Variants in CACNA1E observed in about 807,000 individuals in gnomAD.
CACNA1E encodes calcium voltage-gated channel subunit alpha1 E.
Under a neutral mutation model 259.2 loss-of-function variants are expected in CACNA1E, and 40 were observed. The ratio of observed to expected loss-of-function variants is 0.15; its 90% CI spans 0.12 to 0.20. The LOEUF is 0.20. Among genes scored for constraint, CACNA1E ranks in the 10% least tolerant of loss-of-function variants. CACNA1E has a pLI of 1.00. For missense variants in CACNA1E, 1,874 were observed against 3,040.1 expected (o/e 0.62, Z 9.02); for synonymous variants, 1,104 against 1,138.5 (o/e 0.97, Z 0.61).
intron 6 of CACNA1E, among the ~76,000 whole-genome samples, chr1:181,642,588 C>T (rs968627360): frequency 2.0e-5 from 3 of 152,182 alleles, no homozygotes; most frequent in Non-Finnish European, 2.9e-5. Flanking sequence ...CTGGTGCTTG[C>T]CACTCTTTAA....
intron 3 of CACNA1E, among the ~76,000 whole-genome samples, chr1:181,566,009 T>C (rs1649792876): frequency 6.6e-6 from 1 of 152,206 alleles, no homozygotes; most frequent in Non-Finnish European, 1.5e-5. Flanking sequence ...GATTTCCCTC[T>C]CCAGCAATTT....
intron 1 of CACNA1E, among the ~76,000 whole-genome samples, chr1:181,344,956 C>T (rs1012194038): frequency 5.3e-5 from 8 of 152,224 alleles, no homozygotes; most frequent in Non-Finnish European, 8.8e-5. Flanking sequence ...TCCTAGGTGG[C>T]CAAGGTATGA....
At chr1:181,613,011 T>C (rs73057733) in intron 6 of CACNA1E, among the ~76,000 whole-genome samples, 9,935 of 152,310 alleles carry the variant, frequency 0.065, 446 homozygotes, top group African/African-American at 0.13. Flanking sequence ...TTATTTTCTC[T>C]GTTACTGTCT....
chr1:181,656,479 G>T (rs1224952797), intron 7 of CACNA1E, among the ~76,000 whole-genome samples: 1 of 152,232 alleles, frequency 6.6e-6, no homozygotes, highest in Non-Finnish European at 1.5e-5. Flanking sequence ...TATTTGTACA[G>T]CTGTACAATG....
chr1:181,786,797 G>T (rs1158242135), intron 43 of CACNA1E, among the ~76,000 whole-genome samples: 3 of 152,160 alleles, frequency 2.0e-5, no homozygotes, highest in South Asian at 4.1e-4. Context: ...GATACTTAGG[G>T]CTTGGGAATG....
chr1:181,366,999 G>T (rs1225925188), intron 1 of CACNA1E, among the ~76,000 whole-genome samples: 3 of 152,130 alleles, frequency 2.0e-5, no homozygotes, highest in African/African-American at 7.2e-5. Flanking sequence ...CTGTGTCTGT[G>T]GTGAAGGAGG....
At chr1:181,383,147 C>T (rs911827464) in intron 1 of CACNA1E, among the ~76,000 whole-genome samples, 6 of 152,222 alleles carry the variant, frequency 3.9e-5, no homozygotes, top group African/African-American at 1.2e-4. Flanking sequence ...TTCCTTTGAA[C>T]TTCCCCATTG....
chr1:181,375,832 C>T (rs559392055), intron 1 of CACNA1E, among the ~76,000 whole-genome samples: 10 of 152,296 alleles, frequency 6.6e-5, no homozygotes, highest in South Asian at 6.2e-4. Flanking sequence ...TTTCTGGTTG[C>T]GTGTTCTAAC....
intron 1 of CACNA1E, among the ~76,000 whole-genome samples, chr1:181,343,050 A>G (rs1471606683): frequency 3.3e-5 from 5 of 152,010 alleles, no homozygotes; most frequent in South Asian, 2.1e-4. Context: ...GGTGACAGCC[A>G]CAGGACGTGC....
intron 3 of CACNA1E, among the ~76,000 whole-genome samples, chr1:181,512,661 G>T (rs950403600): frequency 6.6e-6 from 1 of 152,210 alleles, no homozygotes; most frequent in African/African-American, 2.4e-5. Context: ...GGGATTACAT[G>T]AAAGAGAAAA....
chr1:181,663,945 C>A (rs1466579825), intron 7 of CACNA1E, among the ~76,000 whole-genome samples: 1 of 152,132 alleles, frequency 6.6e-6, no homozygotes, highest in Non-Finnish European at 1.5e-5. Context: ...ATAATCACTT[C>A]TAAAGGATTG....
At chr1:181,331,940 G>A (rs1354162472) in intron 1 of CACNA1E, among the ~76,000 whole-genome samples, 2 of 152,108 alleles carry the variant, frequency 1.3e-5, no homozygotes, top group African/African-American at 2.4e-5. Flanking sequence ...ATTGGTCTAT[G>A]TGTCTGTTCT....
At chr1:181,781,300 C>A in intron 38 of CACNA1E, 127 bp from the exon 39 acceptor site, 1 of 622,024 alleles carries the variant, frequency 1.6e-6, no homozygotes, top group South Asian at 1.9e-5. Flanking sequence ...TTCGTTTTTG[C>A]TCTCTGGGAA....
At chr1:181,454,882 G>GA (rs11370673) in intron 2 of CACNA1E, among the ~76,000 whole-genome samples, 65,773 of 151,952 alleles carry the variant, frequency 0.43, 15,906 homozygotes, top group African/African-American at 0.67. Flanking sequence ...AACAATACAG[G>GA]AAAAACAAAA....
chr1:181,720,402 A>G (rs1654312136), intron 14 of CACNA1E, 65 bp downstream of exon 14: 3 of 1,536,120 alleles, frequency 2.0e-6, no homozygotes, highest in African/African-American at 2.7e-5. Flanking sequence ...GTGTTGGGCT[A>G]GGGTCATTAA....
upstream of CACNA1E, among the ~76,000 whole-genome samples, chr1:181,479,495 G>A (rs1478425367): frequency 2.0e-5 from 3 of 152,172 alleles, no homozygotes; most frequent in East Asian, 1.9e-4. Flanking sequence ...GGAACTCGGG[G>A]CACTGGAAGG....
At chr1:181,695,950 G>T (rs931665710) in intron 7 of CACNA1E, among the ~76,000 whole-genome samples, 1 of 152,156 alleles carries the variant, frequency 6.6e-6, no homozygotes, top group Non-Finnish European at 1.5e-5. Flanking sequence ...GCTAGACCCT[G>T]TCTCTAATAA....
chr1:181,751,787 G>A (rs1197566456), intron 26 of CACNA1E, among the ~76,000 whole-genome samples: 1 of 152,208 alleles, frequency 6.6e-6, no homozygotes, highest in African/African-American at 2.4e-5. Context: ...TTTTCATTGT[G>A]CCAGTGTGGT....
intron 3 of CACNA1E, among the ~76,000 whole-genome samples, chr1:181,543,363 G>T (rs956303657): frequency 6.6e-6 from 1 of 152,164 alleles, no homozygotes; most frequent in Non-Finnish European, 1.5e-5. Context: ...TGGCCAATAA[G>T]CACAGGAACT....
Sources: allele counts gnomAD v4.1 joint callset (sites outside exome capture counted in the v4.1 genomes callset), GRCh38; gene constraint gnomAD v4.1.1; transcripts MANE v1.5; gene names NCBI Gene and HGNC (gene_info 2026-07-23, HGNC 2026-07-21).